The following RIMOC1 variants were observed in gnomAD, a reference collection of about 807,000 sequenced individuals.
RIMOC1 encodes the protein RAB7A interacting MON1-CCZ1 complex subunit 1, also known as RAB7A-interacting MON1-CCZ1 complex subunit 1.
the RIMOC1 span, chr5:41,920,552 G>C: frequency 1.3e-5 from 2 of 152,050 alleles, no homozygotes; most frequent in East Asian, 3.9e-4. Flanking sequence ...AGTAATAAAT[G>C]TATAGAGAGT....
chr5:41,912,715 C>T, the RIMOC1 span, among the ~76,000 whole-genome samples: 1 of 152,192 alleles, frequency 6.6e-6, no homozygotes, highest in East Asian at 1.9e-4. Flanking sequence ...GGAAACCACC[C>T]ACATGATCCC....
At chr5:41,905,863 G>T in the RIMOC1 span, among the ~76,000 whole-genome samples, 1 of 152,138 alleles carries the variant, frequency 6.6e-6, no homozygotes, top group Non-Finnish European at 1.5e-5. Context: ...TTGTTTGAAG[G>T]CTTTATACTT....
the RIMOC1 span, chr5:41,918,244 TTGAA>T: frequency 1.0e-6 from 1 of 985,894 alleles, no homozygotes; most frequent in African/African-American, 1.7e-5. Context: ...TGGCCGCACT[TTGAA>T]TGTCACCACC....
the RIMOC1 span, among the ~76,000 whole-genome samples, chr5:41,913,814 T>C: frequency 6.6e-6 from 1 of 152,196 alleles, no homozygotes; most frequent in Non-Finnish European, 1.5e-5. Context: ...TATTTTATTC[T>C]AAAACAACTT....
At chr5:41,917,653 T>C in the RIMOC1 span, 13 of 976,600 alleles carry the variant, frequency 1.3e-5, no homozygotes, top group African/African-American at 2.3e-4. Flanking sequence ...TTATCATCTT[T>C]AGATTATTTT....
At chr5:41,916,963 G>T in the RIMOC1 span, 2 of 1,438,138 alleles carry the variant, frequency 1.4e-6, no homozygotes, top group Non-Finnish European at 9.4e-7. Context: ...TAATAACTAC[G>T]GTTTCTTTTT....
chr5:41,910,038 C>G, the RIMOC1 span: 2 of 608,276 alleles, frequency 3.3e-6, no homozygotes, highest in South Asian at 5.0e-5. Flanking sequence ...CTTAACACTT[C>G]AGACCAATGT....
At chr5:41,914,288 G>GT in the RIMOC1 span, among the ~76,000 whole-genome samples, 1 of 152,168 alleles carries the variant, frequency 6.6e-6, no homozygotes, top group East Asian at 1.9e-4. Context: ...AAAAGACACA[G>GT]TATAGGCACC....
At chr5:41,909,743 T>A in the RIMOC1 span, 10 of 1,503,414 alleles carry the variant, frequency 6.7e-6, no homozygotes, top group South Asian at 1.1e-4. Context: ...TTTTTTTTTT[T>A]AGGCTATTTT....
chr5:41,909,725 T>G, the RIMOC1 span: 43 of 1,496,148 alleles, frequency 2.9e-5, 1 homozygote, highest in South Asian at 5.6e-4. Flanking sequence ...GATAGATATC[T>G]TTCTTTTTTT....
chr5:41,905,356 A>G, the RIMOC1 span, among the ~76,000 whole-genome samples: 6 of 152,186 alleles, frequency 3.9e-5, no homozygotes, highest in Non-Finnish European at 1.5e-5. Flanking sequence ...TTTTGTTTTT[A>G]GAGGCAGAGT....
the RIMOC1 span, chr5:41,909,787 A>G: frequency 6.3e-7 from 1 of 1,587,364 alleles, no homozygotes; most frequent in East Asian, 2.3e-5. Flanking sequence ...ACAAGCTAGT[A>G]GATGAAGATT....
the RIMOC1 span, among the ~76,000 whole-genome samples, chr5:41,910,501 A>T: frequency 6.6e-6 from 1 of 151,836 alleles, no homozygotes; most frequent in South Asian, 2.1e-4. Context: ...CTAGTCCTGG[A>T]TACTCTTTGA....
At chr5:41,904,615 C>T in the RIMOC1 span, 63 of 690,572 alleles carry the variant, frequency 9.1e-5, no homozygotes, top group Non-Finnish European at 1.3e-4. Context: ...TTCTGAGCCC[C>T]TCTGCGCCAT....
chr5:41,911,283 T>G, the RIMOC1 span: 1 of 1,043,434 alleles, frequency 9.6e-7, no homozygotes, highest in South Asian at 2.1e-5. Flanking sequence ...GGTCTGAGTT[T>G]GTATTCTGTG....
the RIMOC1 span, among the ~76,000 whole-genome samples, chr5:41,909,313 T>G: frequency 6.6e-6 from 1 of 152,118 alleles, no homozygotes; most frequent in African/African-American, 2.4e-5. Flanking sequence ...CATACGCCCC[T>G]CACGCTGGCT....
the RIMOC1 span, among the ~76,000 whole-genome samples, chr5:41,906,270 T>C: frequency 2.0e-5 from 3 of 152,224 alleles, no homozygotes; most frequent in Admixed American, 6.5e-5. Context: ...AGGGAGTTTT[T>C]CCACAGATTA....
chr5:41,918,684 A>G, the RIMOC1 span: 2 of 985,432 alleles, frequency 2.0e-6, no homozygotes, highest in Non-Finnish European at 2.4e-6. Flanking sequence ...GTTTGTTACT[A>G]GGGTGGCCTC....
At chr5:41,907,985 C>A in the RIMOC1 span, 8 of 605,660 alleles carry the variant, frequency 1.3e-5, no homozygotes, top group Admixed American at 7.0e-5. Flanking sequence ...GAATAAAACA[C>A]AAAAACTTAA....
Sources: allele counts gnomAD v4.1 joint callset (sites outside exome capture counted in the v4.1 genomes callset), GRCh38; gene constraint gnomAD v4.1.1; transcripts MANE v1.5; gene names NCBI Gene and HGNC (gene_info 2026-07-23, HGNC 2026-07-21).